The following EPHA1 variants were observed in gnomAD, a reference collection of about 807,000 sequenced individuals.
The protein encoded by EPHA1 is ephrin type-A receptor 1.
A neutral mutation model predicts 110.1 loss-of-function variants in EPHA1; 92 were observed. That is an observed-to-expected ratio of 0.84 (90% CI 0.71 to 0.99). The LOEUF is 0.99. Among genes scored for constraint, EPHA1 ranks in the 50% least tolerant of loss-of-function variants. The pLI is 0.00. For missense variants in EPHA1, 1,204 were observed against 1,285.4 expected, an observed-to-expected ratio of 0.94 and a Z score of 0.97; for synonymous variants, 500 against 516.1, an observed-to-expected ratio of 0.97 and a Z score of 0.42.
intron 2 of EPHA1, among the ~76,000 whole-genome samples, chr7:143,404,287 G>T (rs183564713): frequency 3.0e-4 from 45 of 151,552 alleles, no homozygotes; most frequent in African/African-American, 1.0e-3. Flanking sequence ...TGCGATCTTG[G>T]CTCACTGCAA....
chr7:143,398,662 C>G lies in EPHA1; in HGVS notation c.1275G>C (p.Val425=). Residue 425 remains valine (V), a synonymous_variant, in exon 6 of 18, where the codon GTG becomes GTC. Transcript: ENST00000275815. ...YTFNVEAQNG[V]SGLGSSGHAS... ...CATGGCCAGAGCTGCCCAGCCCTGA[C>G]ACTCCATTTTGGGCTTCCACATTAA... The G allele has an allele frequency of 6.2e-7, 1 of 1,614,148 alleles. No individual in the cohort carries two copies. The highest frequency in any genetic ancestry group is 8.5e-7 in the Non-Finnish European group (1 of 1,180,008).
chr7:143,404,704 CAT>C lies in EPHA1; in HGVS notation c.150+2905_150+2906del, dbSNP rs1197196361. The stretch of plus-strand genomic sequence containing the variant: ...TTAACCTGAGTGATCTTGTGCAAGA[CAT>C]ATGTTTTAGTTATAGCTGATGGTTC... On this transcript the variant is annotated intron_variant, in intron 2 of 17. Transcript: ENST00000275815. 4.6e-5 allele frequency among the ~76,000 whole-genome samples: 7 copies of C among 152,234 alleles called. 1 individual carries two copies. The highest frequency in any genetic ancestry group is 3.3e-4 in the Admixed American group (5 of 15,284).
chr7:143,405,819 G>A (rs191822881), intron 2 of EPHA1, among the ~76,000 whole-genome samples: 1 of 152,290 alleles, frequency 6.6e-6, no homozygotes, highest in Non-Finnish European at 1.5e-5. Flanking sequence ...AGAGAACGGA[G>A]CCAGGACTGT....
chr7:143,396,337 G>A (rs1235170896), intron 11 of EPHA1, 48 bp downstream of exon 11: 3 of 1,597,432 alleles, frequency 1.9e-6, no homozygotes, highest in Admixed American at 1.7e-5. Context: ...GTGGCTCTGT[G>A]CTGCCCCACA....
At chr7:143,392,709 C>T (rs572354054) in intron 16 of EPHA1, among the ~76,000 whole-genome samples, 2 of 152,236 alleles carry the variant, frequency 1.3e-5, no homozygotes, top group Non-Finnish European at 2.9e-5. Context: ...TTTGGGAGGC[C>T]GAGGTGGGCG....
At chr7:143,402,098 T>G (rs112070122) in intron 2 of EPHA1, among the ~76,000 whole-genome samples, 1 of 150,814 alleles carries the variant, frequency 6.6e-6, no homozygotes, top group East Asian at 1.9e-4. Context: ...TTCTTTCTTT[T>G]TTTTTTTTTT....
rs749137101 is a variant in EPHA1, at chr7:143,401,613, G to A, written c.151-8C>T. The A allele has an allele frequency of 2.5e-6, 4 of 1,605,008 alleles. 1 individual carries two copies. In the South Asian group the frequency reaches 3.3e-5, roughly 13 times the overall value. On this transcript the variant is annotated splice_polypyrimidine_tract_variant and splice_region_variant and intron_variant, in intron 2 of 17. Transcript: ENST00000275815. This position sits in a 1 kb window ranked among gnomAD's most constrained non-coding sequence, Gnocchi z 4.1. ...CTGTTGCTGTTCACTCCACTGCAAGGAGGAAATCAGAGTCAGGGACCAGAT... is the reference window on the plus strand; with the variant it reads ...CTGTTGCTGTTCACTCCACTGCAAGAAGGAAATCAGAGTCAGGGACCAGAT...
At chr7:143,391,556 G>A (rs1423750188) in intron 17 of EPHA1, 21 bp from the exon 18 acceptor site, 1 of 1,614,126 alleles carries the variant, frequency 6.2e-7, no homozygotes, top group South Asian at 1.1e-5. Flanking sequence ...GGAAGGGTGG[G>A]GGCATGAGTC....
chr7:143,402,596 G>A (rs1051033353), intron 2 of EPHA1, among the ~76,000 whole-genome samples: 4 of 152,178 alleles, frequency 2.6e-5, no homozygotes, highest in African/African-American at 9.6e-5. Flanking sequence ...GTTTTGCCAC[G>A]TTGGCCAGGC....
chr7:143,405,467 A>C (rs537229694), intron 2 of EPHA1, among the ~76,000 whole-genome samples: 1 of 135,228 alleles, frequency 7.4e-6, no homozygotes, highest in Non-Finnish European at 1.6e-5. Context: ...GTGTGTTTTG[A>C]AAAGATGGGG....
intron 1 of EPHA1, among the ~76,000 whole-genome samples, 181 bp downstream of exon 1, chr7:143,408,543 G>T (rs1326337483): frequency 6.6e-6 from 1 of 151,974 alleles, no homozygotes; most frequent in South Asian, 2.1e-4. Flanking sequence ...GCCGCTTGGG[G>T]TTAAAGACCA....
At position 143,395,219 on chromosome 7, in the gene EPHA1, G is replaced by A; in HGVS notation, c.2084-37C>T. The A allele has an allele frequency of 1.2e-6, 2 of 1,612,902 alleles. No homozygotes were observed. The highest frequency in any genetic ancestry group is 1.1e-5 in the South Asian group (1 of 91,080). On this transcript the variant is annotated intron_variant, in intron 12 of 17. Coordinates refer to ENST00000275815, the MANE Select transcript of EPHA1 (RefSeq NM_005232.5). The surrounding 1 kb of genome is among the most constrained non-coding windows in gnomAD (Gnocchi z 4.7). ...ACACACATATCACACTCAGAACCGG[G>A]CTTCCTGCCCTTGGCCACACATCCT...
Position 143,393,926 on chromosome 7 carries a change from C to A in EPHA1, c.2503-62G>T. On this transcript the variant is annotated intron_variant, in intron 15 of 17. Transcript: ENST00000275815. The surrounding 1 kb of genome is among the most constrained non-coding windows in gnomAD (Gnocchi z 5.6). ...AGCTAACCTGGAGGCCCATGAGAAA[C>A]CGACGGTCACACAAGATAATTGCAG... 6.7e-7 allele frequency: 1 copy of A among 1,488,954 alleles called. No homozygotes were observed. The highest frequency in any genetic ancestry group is 9.0e-7 in the Non-Finnish European group (1 of 1,112,706). The allele number at this position is 1,488,954 out of a possible 1,614,324, so 92.2% of individuals were successfully genotyped here.
chr7:143,391,812 T>G (rs1318082648), intron 16 of EPHA1, 37 bp from the exon 17 acceptor site: 2 of 1,606,076 alleles, frequency 1.2e-6, no homozygotes, highest in Non-Finnish European at 1.7e-6. Flanking sequence ...AGCGGGTACA[T>G]GGGCTGATCT....
Position 143,396,397 on chromosome 7 carries a change from CAG to C in EPHA1, c.1883_1884del (p.Thr628SerfsTer28), listed in dbSNP as rs1481534271. 27 of 1,612,458 alleles carry C rather than the reference CAG, an allele frequency of 1.7e-5. No individual in the cohort carries two copies. The highest frequency in any genetic ancestry group is 2.7e-5 in the African/African-American group (2 of 74,898). On this transcript the variant is annotated frameshift_variant, in exon 11 of 18. Transcript: ENST00000275815. LOFTEE classifies it high-confidence loss of function. ...ELDPAWLMVD[T>X]VIGEGEFGEV... ...CAGCAGGACTCACCTTCTCCTATGA[CAG>C]TGTCCACCATCAGCCACGCTGGATC...
chr7:143,401,283 G>C lies in EPHA1; in HGVS notation c.432+41C>G, dbSNP rs755004830. On this transcript the variant is annotated intron_variant, in intron 3 of 17. Transcript: ENST00000275815. This position sits in a 1 kb window ranked among gnomAD's most constrained non-coding sequence, Gnocchi z 4.1. ...TGGCACCCAATAAGGAGCCACCAGG[G>C]ATCTGCACCAGGACCCAGATGGCAT... 13 of 1,600,854 alleles carry C rather than the reference G, an allele frequency of 8.1e-6. No homozygotes were observed. In the African/African-American group the frequency reaches 1.6e-4, roughly 20 times the overall value.
rs535622332 is a variant in EPHA1 at position 143,401,535 on chromosome 7, C to T, written c.221G>A (p.Arg74His). The part of the protein sequence containing the change: ...YMYQDCPMQG[R>H]RDTDHWLRSN... ...GCGAAGCCAGTGGTCAGTGTCTCTG[C>T]GTCCTTGCATTGGGCAGTCCTGGTA... Residue 74 changes from arginine (R) to histidine (H), a missense_variant, in exon 3 of 18, where the codon CGC becomes CAC. By Grantham distance (29) the Arg-to-His change is conservative. Transcript: ENST00000275815. This position sits in a 1 kb window ranked among gnomAD's most constrained non-coding sequence, Gnocchi z 4.1. 29 of 1,614,126 alleles carry T rather than the reference C, an allele frequency of 1.8e-5. No individual in the cohort carries two copies. The highest frequency in any genetic ancestry group is 1.7e-4 in the Admixed American group (10 of 60,024).
In EPHA1 at chr7:143,394,237, A is replaced by T; in HGVS notation, c.2459T>A (p.Leu820Gln). Residue 820 changes from leucine to glutamine, a missense_variant, in exon 15 of 18, where the codon CTG becomes CAG. Leu to Gln is a moderately radical substitution (Grantham distance 113). Coordinates refer to ENST00000275815, the MANE Select transcript of EPHA1 (RefSeq NM_005232.5). The stretch of plus-strand genomic sequence containing the variant: ...CCCATAAGGCTTGTCCCCAAAGCTC[A>T]GCACCTCCCACATCACAATCCCAAA... ...WSFGIVMWEV[L>Q]SFGDKPYGEM... 1 of 1,614,066 alleles carries T rather than the reference A, an allele frequency of 6.2e-7. No individual in the cohort carries two copies. Among genetic ancestry groups the T allele is most frequent in the Non-Finnish European group, 8.5e-7 (1 of 1,179,990 alleles).
At chr7:143,407,581 T>C in intron 2 of EPHA1, 30 bp downstream of exon 2, 1 of 1,610,896 alleles carries the variant, frequency 6.2e-7, no homozygotes, top group East Asian at 2.2e-5. Flanking sequence ...TCAGGAGTTT[T>C]CCAAGATCCT....
Sources: gnomAD v4.1 joint callset for allele counts (sites outside exome capture counted in the v4.1 genomes callset) on GRCh38, gnomAD v4.1.1 for gene constraint, Gnocchi (gnomAD v3.1) non-coding constraint, MANE v1.5 for transcripts, NCBI Gene and HGNC (gene_info 2026-07-23, HGNC 2026-07-21) for gene names.